RYK: variants seen among roughly 807,000 people sequenced by gnomAD.
RYK encodes the protein inactive tyrosine-protein kinase RYK.
In RYK, 21 loss-of-function variants were observed where a neutral mutation model predicts 70.2. The observed-to-expected ratio is 0.30, with a 90% CI of 0.21 to 0.43. RYK has a LOEUF of 0.43. Among genes scored for constraint, RYK ranks in the 20% least tolerant of loss-of-function variants. RYK has a pLI of 1.00. For missense variants in RYK, 604 were observed against 753.3 expected (o/e 0.80, Z 2.32); for synonymous variants, 267 against 278.0 (o/e 0.96, Z 0.39).
At chr3:134,187,043 A>G (rs1024530736) in intron 9 of RYK, among the ~76,000 whole-genome samples, 1 of 152,216 alleles carries the variant, frequency 6.6e-6, no homozygotes, top group Non-Finnish European at 1.5e-5. Context: ...GGATGGACCT[A>G]ACACATAAAT....
chr3:134,168,541 T>C (rs1560000290), intron 13 of RYK, among the ~76,000 whole-genome samples: 1 of 147,308 alleles, frequency 6.8e-6, no homozygotes, highest in Non-Finnish European at 1.5e-5. Flanking sequence ...AAACACCGCA[T>C]GTTCACACTC....
intron 13 of RYK, among the ~76,000 whole-genome samples, chr3:134,163,583 A>G (rs1559998290): frequency 6.6e-6 from 1 of 150,596 alleles, no homozygotes; most frequent in East Asian, 2.0e-4. Context: ...TGACTTGTCA[A>G]AAAGTATGTA....
At chr3:134,242,199 G>C (rs574012854) in intron 1 of RYK, among the ~76,000 whole-genome samples, 22 of 152,150 alleles carry the variant, frequency 1.4e-4, no homozygotes, top group African/African-American at 5.1e-4. Context: ...CAGCTACTCA[G>C]GAGGCTGAGG....
chr3:134,199,578 T>C (rs140616342), intron 6 of RYK, among the ~76,000 whole-genome samples: 8 of 152,210 alleles, frequency 5.3e-5, no homozygotes, highest in African/African-American at 1.9e-4. Context: ...GGTACAGTAC[T>C]GGTAAACAGA....
intron 10 of RYK, chr3:134,178,675 C>A (rs1445777139): frequency 1.3e-5 from 2 of 152,158 alleles, no homozygotes; most frequent in African/African-American, 4.8e-5. Flanking sequence ...AGGGACCCCA[C>A]CAACCATAAA....
chr3:134,225,774 T>C (rs1448572961), intron 1 of RYK, among the ~76,000 whole-genome samples: 1 of 152,088 alleles, frequency 6.6e-6, no homozygotes, highest in African/African-American at 2.4e-5. Context: ...TGAGGATGGC[T>C]TGAGCTCAGG....
chr3:134,213,306 C>CT (rs1218717187), intron 2 of RYK, among the ~76,000 whole-genome samples: 1 of 152,184 alleles, frequency 6.6e-6, no homozygotes, highest in Admixed American at 6.5e-5. Context: ...TGTAACTTCT[C>CT]TGAGTTTCCA....
chr3:134,198,291 T>G (rs1024504241), intron 6 of RYK, among the ~76,000 whole-genome samples: 2 of 152,254 alleles, frequency 1.3e-5, no homozygotes, highest in Non-Finnish European at 2.9e-5. Flanking sequence ...AAGATCATAA[T>G]TTTCCTTCAA....
rs367816834 is a variant in RYK at position 134,211,568 on chromosome 3, C to A, written c.394G>T (p.Ala132Ser). 1.2e-6 allele frequency: 2 copies of A among 1,613,696 alleles called. No individual in the cohort carries two copies. Among genetic ancestry groups the A allele is most frequent in the Non-Finnish European group, 1.7e-6 (2 of 1,179,740 alleles). Reference sequence around the variant, plus strand: ...ATGTTGACCTGGGGCATATCCATTGCCAAAACATTGTCCACTTGGAATCCC... The same window carrying A: ...ATGTTGACCTGGGGCATATCCATTGACAAAACATTGTCCACTTGGAATCCC... ...KLGFQVDNVL[A>S]MDMPQVNISV... Residue 132 changes from alanine to serine, a missense_variant, in exon 3 of 15, where the codon GCA (alanine) becomes TCA (serine). Transcript: ENST00000623711.
intron 11 of RYK, among the ~76,000 whole-genome samples, chr3:134,177,525 C>T (rs927213567): frequency 6.6e-6 from 1 of 152,192 alleles, no homozygotes; most frequent in African/African-American, 2.4e-5. Context: ...ATTAACAATA[C>T]ATCCAATTAT....
chr3:134,230,638 A>G (rs1053410735), intron 1 of RYK, among the ~76,000 whole-genome samples: 1 of 152,244 alleles, frequency 6.6e-6, no homozygotes, highest in African/African-American at 2.4e-5. Context: ...GATAGAAATC[A>G]GGTCAGTGGT....
intron 4 of RYK, 32 bp downstream of exon 4, chr3:134,209,663 G>A: frequency 7.2e-7 from 1 of 1,382,034 alleles, no homozygotes; most frequent in Non-Finnish European, 9.6e-7. Flanking sequence ...TCACATACAT[G>A]TAAAACATAT....
At chr3:134,243,563 G>A (rs2015377246) in intron 1 of RYK, among the ~76,000 whole-genome samples, 1 of 152,070 alleles carries the variant, frequency 6.6e-6, no homozygotes, top group Non-Finnish European at 1.5e-5. Flanking sequence ...TTATCCTGTG[G>A]CGCTCCATGG....
intron 13 of RYK, among the ~76,000 whole-genome samples, chr3:134,167,063 T>C (rs2012698847): frequency 6.6e-6 from 1 of 152,160 alleles, no homozygotes; most frequent in Non-Finnish European, 1.5e-5. Flanking sequence ...GATTATTGTA[T>C]ATAAAATCTA....
chr3:134,183,384 T>C (rs1422606004), intron 9 of RYK: 1 of 168,344 alleles, frequency 5.9e-6, no homozygotes, highest in East Asian at 1.6e-4. Flanking sequence ...CCTATTTAAA[T>C]AGCTCATATA....
Position 134,183,060 on chromosome 3 carries a change from C to A in RYK, c.1114G>T (p.Glu372Ter). The change falls in exon 10 of 15, where the codon GAA (glutamate) becomes TAA (stop). Residue 372 changes from glutamate to a stop codon, truncating the protein, a stop_gained. Coordinates refer to ENST00000623711, the MANE Select transcript of RYK (RefSeq NM_002958.4). LOFTEE classifies it high-confidence loss of function. ...FVKTVKDQAS[E>*]IQVTMMLTES... ...GTGAGCATCATTGTCACCTGAATTT[C>A]AGAAGCTTGATCTATATATAAAGAA... The A allele has an allele frequency of 6.3e-7, 1 of 1,582,276 alleles. No individual in the cohort carries two copies. Among genetic ancestry groups the A allele is most frequent in the Non-Finnish European group, 8.6e-7 (1 of 1,162,034 alleles).
rs1171942439 is a variant in RYK, at chr3:134,158,163, G to A, written c.1814C>T (p.Ala605Val). 6.7e-7 allele frequency: 1 copy of A among 1,499,402 alleles called. No homozygotes were observed. The highest frequency in any genetic ancestry group is 1.4e-5 in the African/African-American group (1 of 71,902). 92.9% of individuals were successfully genotyped at this position (1,499,402 alleles called of 1,614,324 possible). ...CLTEFHAALG[A>V]YV is the part of the protein sequence containing the mutation. ...GGGATTGGAGAGGAGTCAGACGTAG[G>A]CCCCCAGGGCTGCATGAAACTCTGT... Residue 605 changes from alanine (A) to valine (V), a missense_variant, in exon 15 of 15, where the codon GCC becomes GTC. By Grantham distance (64) the Ala-to-Val change is moderately conservative (BLOSUM62 0). Transcript: ENST00000623711.
At position 134,202,789 on chromosome 3, in the gene RYK, T is replaced by A. The variant is rs1180462986; in HGVS notation, c.729A>T (p.Val243=). ...VGVCCAVIFL[V]AIILAVLHLH... ...GGTGCAAAACAGCTAATATTATTGC[T>A]ACGAGAAATATTACTGCACAACAAA... The change falls in exon 6 of 15, where the codon GTA becomes GTT. Residue 243 remains valine (V), a synonymous_variant. Coordinates refer to ENST00000623711, the MANE Select transcript of RYK (RefSeq NM_002958.4). The A allele has an allele frequency of 3.7e-6, 6 of 1,613,418 alleles. No individual in the cohort carries two copies. The African/African-American group carries it at 6.7e-5, about 18-fold the overall frequency.
chr3:134,172,761 G>T (rs1196255328), intron 13 of RYK, among the ~76,000 whole-genome samples: 1 of 152,202 alleles, frequency 6.6e-6, no homozygotes, highest in Non-Finnish European at 1.5e-5. Flanking sequence ...GCTAGAGAGA[G>T]ATTTTTTCTT....
Sources: gnomAD v4.1 joint callset for allele counts (sites outside exome capture counted in the v4.1 genomes callset) on GRCh38, gnomAD v4.1.1 for gene constraint, MANE v1.5 for transcripts, NCBI Gene and HGNC (gene_info 2026-07-23, HGNC 2026-07-21) for gene names.